The following ERC2 variants were observed in gnomAD, a reference collection of about 807,000 sequenced individuals.
ERC2 encodes the protein ERC protein 2.
A neutral mutation model predicts 114.8 loss-of-function variants in ERC2; 42 were observed. The ratio of observed to expected loss-of-function variants is 0.37; its 90% CI spans 0.29 to 0.47. The LOEUF (loss-of-function observed/expected upper bound fraction) is 0.47. Among genes scored for constraint, ERC2 ranks in the 20% least tolerant of loss-of-function variants. The pLI is 0.99. For synonymous variants in ERC2, 454 were observed against 425.5 expected, an observed-to-expected ratio of 1.07 and a Z score of -0.82; for missense variants, 939 against 1,150.7, an observed-to-expected ratio of 0.82 and a Z score of 2.66.
At position 56,222,571 on chromosome 3, in the gene ERC2, G is replaced by C. The variant is rs554668967; in HGVS notation, c.1075-49051C>G. ...TGCGTACCACTGCCCAAAATTTTCT[G>C]TCTTCCCCCTTTCTGAACCATCTAC... On this transcript the variant is annotated intron_variant, in intron 3 of 17. Transcript: ENST00000288221. Among the ~76,000 whole-genome samples, 6 of 152,180 alleles carry C rather than the reference G, an allele frequency of 3.9e-5. No homozygotes were observed. In the East Asian group the frequency reaches 1.2e-3, roughly 29 times the overall value.
chr3:55,844,683 G>A (rs1204313500), intron 14 of ERC2, among the ~76,000 whole-genome samples: 1 of 152,118 alleles, frequency 6.6e-6, no homozygotes, highest in East Asian at 1.9e-4. Flanking sequence ...ATGCATGCAT[G>A]CTATATCTCA....
chr3:55,571,548 C>A (rs2056714626), intron 17 of ERC2, among the ~76,000 whole-genome samples: 1 of 152,168 alleles, frequency 6.6e-6, no homozygotes, highest in South Asian at 2.1e-4. Context: ...ATTATTCAAG[C>A]TAGTCAGTTC....
chr3:56,398,081 T>C (rs1400600137), intron 2 of ERC2, among the ~76,000 whole-genome samples: 16 of 152,224 alleles, frequency 1.1e-4, no homozygotes. Context: ...GACAGCTATG[T>C]GCCCACCATA....
intron 13 of ERC2, among the ~76,000 whole-genome samples, chr3:55,911,948 A>C (rs1432546518): frequency 2.0e-5 from 3 of 152,148 alleles, no homozygotes; most frequent in African/African-American, 7.2e-5. Flanking sequence ...CAGGAGGAGG[A>C]ATGGCCCTTC....
chr3:56,219,473 A>C (rs2049749417), intron 3 of ERC2, among the ~76,000 whole-genome samples: 1 of 151,910 alleles, frequency 6.6e-6, no homozygotes. Flanking sequence ...GGTGAACAAA[A>C]CCAATATGTA....
intron 13 of ERC2, among the ~76,000 whole-genome samples, chr3:55,935,274 T>C (rs2066367672): frequency 6.6e-6 from 1 of 152,148 alleles, no homozygotes; most frequent in Non-Finnish European, 1.5e-5. Flanking sequence ...TGAGTAATAG[T>C]CGCCATGCTG....
At chr3:56,216,335 C>G (rs1000045315) in intron 3 of ERC2, among the ~76,000 whole-genome samples, 1 of 152,292 alleles carries the variant, frequency 6.6e-6, no homozygotes, top group South Asian at 2.1e-4. Flanking sequence ...CACAGAAATG[C>G]AGACTACCAT....
chr3:56,167,523 GAACT>G, intron 4 of ERC2, among the ~76,000 whole-genome samples: 1 of 152,202 alleles, frequency 6.6e-6, no homozygotes, highest in Non-Finnish European at 1.5e-5. Flanking sequence ...ATATCATCTA[GAACT>G]AACATTTGAC....
intron 14 of ERC2, among the ~76,000 whole-genome samples, chr3:55,874,219 G>A (rs975170406): frequency 6.6e-6 from 1 of 152,184 alleles, no homozygotes; most frequent in Non-Finnish European, 1.5e-5. Flanking sequence ...CTCCTAGAAT[G>A]TTCTCTTTGC....
At chr3:56,269,661 AT>A (rs2053535605) in intron 3 of ERC2, among the ~76,000 whole-genome samples, 1 of 152,312 alleles carries the variant, frequency 6.6e-6, no homozygotes, top group East Asian at 1.9e-4. Context: ...ATAACCCTAT[AT>A]TCCCAAATAC....
chr3:55,821,899 C>T (rs1237815261), intron 14 of ERC2, among the ~76,000 whole-genome samples: 4 of 152,236 alleles, frequency 2.6e-5, no homozygotes, highest in Non-Finnish European at 5.9e-5. Flanking sequence ...GGTCACACAG[C>T]TGGCAGGTGT....
intron 14 of ERC2, among the ~76,000 whole-genome samples, chr3:55,741,828 C>A (rs1317649903): frequency 6.6e-6 from 1 of 152,054 alleles, no homozygotes; most frequent in Non-Finnish European, 1.5e-5. Context: ...CTGCTGAATG[C>A]CAAGCTAAGA....
At chr3:55,702,971 C>T (rs2148832091) in intron 15 of ERC2, among the ~76,000 whole-genome samples, 1 of 152,300 alleles carries the variant, frequency 6.6e-6, no homozygotes, top group East Asian at 1.9e-4. Context: ...AAACTGCTGA[C>T]CAGACACCTT....
At chr3:55,607,813 G>A (rs543019380) in intron 17 of ERC2, 136 of 152,192 alleles carry the variant, frequency 8.9e-4, no homozygotes, top group African/African-American at 3.1e-3. Flanking sequence ...AGCCCACTTT[G>A]CCCCTTCCTT....
At chr3:56,398,960 C>G (rs528942704) in intron 2 of ERC2, among the ~76,000 whole-genome samples, 20 of 152,298 alleles carry the variant, frequency 1.3e-4, no homozygotes, top group African/African-American at 4.6e-4. Flanking sequence ...AACTTTACAG[C>G]AGAACCAGGT....
chr3:56,357,813 A>G (rs1236712594), intron 2 of ERC2, among the ~76,000 whole-genome samples: 1 of 149,374 alleles, frequency 6.7e-6, no homozygotes, highest in African/African-American at 2.5e-5. Flanking sequence ...ATAATTTTTA[A>G]AAGTCTAAAT....
intron 17 of ERC2, among the ~76,000 whole-genome samples, chr3:55,617,241 G>GCACCTCTACCTTAACT (rs2148586065): frequency 6.6e-6 from 1 of 152,262 alleles, no homozygotes; most frequent in South Asian, 2.1e-4. Context: ...TATTTCCAGT[G>GCACCTCTACCTTAACT]CGCCTCTACC....
chr3:55,799,247 G>A (rs867401432), intron 14 of ERC2, among the ~76,000 whole-genome samples: 1 of 151,918 alleles, frequency 6.6e-6, no homozygotes, highest in African/African-American at 2.4e-5. Flanking sequence ...ACACATTGAT[G>A]ACACTTGACT....
At chr3:56,254,768 T>C (rs1351345432) in intron 3 of ERC2, among the ~76,000 whole-genome samples, 4 of 152,162 alleles carry the variant, frequency 2.6e-5, no homozygotes, top group Non-Finnish European at 5.9e-5. Flanking sequence ...CTGTAAAATG[T>C]GGGATAACAA....
Sources: allele counts gnomAD v4.1 joint callset (sites outside exome capture counted in the v4.1 genomes callset), GRCh38; gene constraint gnomAD v4.1.1; transcripts MANE v1.5; gene names NCBI Gene and HGNC (gene_info 2026-07-23, HGNC 2026-07-21).